Variants in KDM4A observed in about 807,000 individuals in gnomAD.
KDM4A encodes lysine-specific demethylase 4A.
Under a neutral mutation model 127.1 loss-of-function variants are expected in KDM4A, and 23 were observed. The ratio of observed to expected loss-of-function variants is 0.18; its 90% confidence interval spans 0.13 to 0.26. The LOEUF (loss-of-function observed/expected upper bound fraction) is 0.26, where lower values mean the gene tolerates loss of function less well. Among genes scored for constraint, KDM4A ranks in the 10% least tolerant of loss-of-function variants. The pLI is 1.00. For synonymous variants in KDM4A, 443 were observed against 466.5 expected (o/e 0.95, Z 0.65); for missense variants, 890 against 1,329.1 (o/e 0.67, Z 5.14).
rs1570872247 is a variant in KDM4A, at chr1:43,694,730, C to T, written c.2506C>T (p.Arg836Trp). 5 of 1,611,694 alleles carry T rather than the reference C, an allele frequency of 3.1e-6. No individual in the cohort carries two copies. Among genetic ancestry groups the T allele is most frequent in the Non-Finnish European group, 4.2e-6 (5 of 1,178,026 alleles). Residue 836 changes from arginine (R) to tryptophan (W), a missense_variant, in exon 18 of 22, where the codon CGG (arginine) becomes TGG (tryptophan). Physicochemically the swap from Arg to Trp is moderately radical, Grantham distance 101 (BLOSUM62 -3). Around this residue, in one of 7 missense-constraint regions of KDM4A, gnomAD observed 246 missense variants for 418.4 expected, o/e 0.59. Coordinates refer to ENST00000372396, the MANE Select transcript of KDM4A (RefSeq NM_014663.3). The surrounding 1 kb of genome is among the most constrained non-coding windows in gnomAD (Gnocchi z 5.2). ...FKLKCIFCKK[R>W]RKRTAGCCVQ... ...ACAGAAATGTATCTTCTGTAAGAAG[C>T]GGAGGAAAAGAACTGCTGGCTGCTG...
Position 43,676,030 on chromosome 1 carries a change from G to A in KDM4A, c.1734+4155G>A, listed in dbSNP as rs796480040. Among the ~76,000 whole-genome samples, 4 of 148,534 alleles carry A rather than the reference G, an allele frequency of 2.7e-5. No individual in the cohort carries two copies. In the South Asian group the frequency reaches 8.5e-4, roughly 32 times the overall value. On this transcript the variant is annotated intron_variant, in intron 11 of 21. Transcript: ENST00000372396. ...TGGGGGGCGGAGGTTGCAGTGAGCT[G>A]AGATCACACCACTGCACTCCAGTCT...
intron 19 of KDM4A, chr1:43,703,252 C>G (rs895761479): frequency 6.1e-6 from 1 of 164,642 alleles, no homozygotes; most frequent in South Asian, 1.5e-4. Context: ...AAAAAAAACA[C>G]ATGTCTTATA....
chr1:43,691,398 G>C, intron 14 of KDM4A, 98 bp from the exon 15 acceptor site: 1 of 1,004,478 alleles, frequency 1.0e-6, no homozygotes, highest in Admixed American at 1.7e-5. Flanking sequence ...GTGAGATTTG[G>C]TTGTAGCTTT....
Position 43,683,667 on chromosome 1 carries a change from T to C in KDM4A, c.1735-17T>C. ...AAGTGGAGACAAGACCAATTTAATT[T>C]CTTGTGGTTTGCCCAGGTTGCAGAT... On this transcript the variant is annotated splice_polypyrimidine_tract_variant and intron_variant, in intron 11 of 21. Coordinates refer to ENST00000372396, the MANE Select transcript of KDM4A (RefSeq NM_014663.3). The C allele has an allele frequency of 6.2e-7, 1 of 1,610,004 alleles. No homozygotes were observed. The highest frequency in any genetic ancestry group is 8.5e-7 in the Non-Finnish European group (1 of 1,177,664).
At chr1:43,668,793 A>G (rs1218035199) in intron 9 of KDM4A, among the ~76,000 whole-genome samples, 3 of 152,206 alleles carry the variant, frequency 2.0e-5, no homozygotes, top group Non-Finnish European at 4.4e-5. Flanking sequence ...TGGGAAAGAA[A>G]GGAGGAACCG....
At chr1:43,674,801 G>A (rs748298659) in intron 11 of KDM4A, among the ~76,000 whole-genome samples, 4 of 152,078 alleles carry the variant, frequency 2.6e-5, no homozygotes, top group Non-Finnish European at 5.9e-5. Flanking sequence ...GAGCCATCGC[G>A]CCTGGCCTAC....
chr1:43,691,626 G>A (rs952564569), intron 15 of KDM4A, 54 bp downstream of exon 15: 2 of 1,471,466 alleles, frequency 1.4e-6, no homozygotes, highest in Non-Finnish European at 1.9e-6. Flanking sequence ...TGCATATTCA[G>A]GGCCAGACGA....
At chr1:43,651,124 G>A (rs1253182818) in intron 1 of KDM4A, among the ~76,000 whole-genome samples, 1 of 152,246 alleles carries the variant, frequency 6.6e-6, no homozygotes, top group Non-Finnish European at 1.5e-5. Context: ...TTGAAGGCCC[G>A]GGGAAGGGCC....
rs1341336810 is a variant in KDM4A, at chr1:43,667,042, C to A, written c.866C>A (p.Thr289Asn). 1 of 1,614,158 alleles carries A rather than the reference C, an allele frequency of 6.2e-7. No homozygotes were observed. The highest frequency in any genetic ancestry group is 8.5e-7 in the Non-Finnish European group (1 of 1,180,044). ...CATGGTTTTAACTGTGCGGAGTCTA[C>A]CAATTTTGCTACCCGTCGGTGGATT... ...FNHGFNCAES[T>N]NFATRRWIEY... The change falls in exon 8 of 22, where the codon ACC becomes AAC. Residue 289 changes from threonine to asparagine, a missense_variant. This residue lies in a region of KDM4A where 141 missense variants were observed against 273.5 expected (regional missense o/e 0.52). Coordinates refer to ENST00000372396, the MANE Select transcript of KDM4A (RefSeq NM_014663.3).
intron 16 of KDM4A, among the ~76,000 whole-genome samples, chr1:43,692,697 T>C (rs1239633821): frequency 6.6e-6 from 1 of 152,294 alleles, no homozygotes; most frequent in African/African-American, 2.4e-5. Context: ...CTTCTCCACA[T>C]GGCAAACTCC....
In KDM4A at chr1:43,694,668, C is replaced by T; in HGVS notation, c.2485-41C>T. 6.4e-7 allele frequency: 1 copy of T among 1,557,382 alleles called. No individual in the cohort carries two copies. Among genetic ancestry groups the T allele is most frequent in the Non-Finnish European group, 8.8e-7 (1 of 1,135,960 alleles). Reference sequence around the variant, plus strand: ...GGGAACAACAGAGGAAGCTGCAGTGCCAGTTCCTGCAATCACTGGTTTTCT... The same window carrying T: ...GGGAACAACAGAGGAAGCTGCAGTGTCAGTTCCTGCAATCACTGGTTTTCT... On this transcript the variant is annotated intron_variant, in intron 17 of 21. Transcript: ENST00000372396. This position sits in a 1 kb window ranked among gnomAD's most constrained non-coding sequence, Gnocchi z 5.2.
intron 11 of KDM4A, among the ~76,000 whole-genome samples, chr1:43,678,754 AG>A (rs1570847777): frequency 6.6e-6 from 1 of 151,998 alleles, no homozygotes; most frequent in East Asian, 1.9e-4. Context: ...TGCCCAGCTA[AG>A]TTTTTTATTT....
chr1:43,681,601 A>C (rs966714913), intron 11 of KDM4A, among the ~76,000 whole-genome samples: 20 of 152,206 alleles, frequency 1.3e-4, no homozygotes, highest in African/African-American at 4.8e-4. Context: ...TTGGTGGTCC[A>C]GGCTAGAAAT....
chr1:43,671,388 G>C, intron 10 of KDM4A, 117 bp from the exon 11 acceptor site: 1 of 1,138,896 alleles, frequency 8.8e-7, no homozygotes, highest in Non-Finnish European at 1.2e-6. Context: ...ACAGAGCCAG[G>C]ATTGGAAGCC....
chr1:43,676,203 T>C (rs1037773865), intron 11 of KDM4A, among the ~76,000 whole-genome samples: 1 of 151,886 alleles, frequency 6.6e-6, no homozygotes, highest in Non-Finnish European at 1.5e-5. Context: ...GGTGCGAGAA[T>C]TGCTTGAGCC....
In KDM4A at chr1:43,705,427, C is replaced by A. The variant is rs2154049855; in HGVS notation, c.*1057C>A. The A allele has an allele frequency of 6.5e-6, 1 of 152,738 alleles. No individual in the cohort carries two copies. Among genetic ancestry groups the A allele is most frequent in the East Asian group, 1.9e-4 (1 of 5,190 alleles). The allele number at this position is 152,738 out of a possible 1,614,324, so 9.5% of individuals were successfully genotyped here. On this transcript the variant is annotated 3_prime_UTR_variant, in exon 22 of 22. Transcript: ENST00000372396. ...AAGAATCAGATTTATAATACTTCCC[C>A]TTTTTTGTTACGTATGAACACTATA...
Position 43,663,106 on chromosome 1 carries a change from C to T in KDM4A, c.623+19C>T, listed in dbSNP as rs373836834. 68 of 1,600,936 alleles carry T rather than the reference C, an allele frequency of 4.2e-5. 1 individual carries two copies. Among genetic ancestry groups the T allele is most frequent in the South Asian group, 2.6e-4 (23 of 89,022 alleles). On this transcript the variant is annotated intron_variant, in intron 5 of 21. Coordinates refer to ENST00000372396, the MANE Select transcript of KDM4A (RefSeq NM_014663.3). ...AGTCCTGGTACAGTCTGCCTGCAGT[C>T]GGCACCGGGCTTCTATGCTAGAGCA...
chr1:43,701,277 T>C (rs535611164), intron 19 of KDM4A, among the ~76,000 whole-genome samples: 2 of 152,282 alleles, frequency 1.3e-5, no homozygotes, highest in South Asian at 4.1e-4. Context: ...ACTTGGAATT[T>C]TGGGAAGTTT....
At chr1:43,670,192 T>C (rs1381811663) in intron 10 of KDM4A, among the ~76,000 whole-genome samples, 5 of 152,160 alleles carry the variant, frequency 3.3e-5, no homozygotes, top group African/African-American at 7.2e-5. Flanking sequence ...TGGAAGGTCA[T>C]TGAGGCTAGA....
Sources: gnomAD v4.1 joint callset for allele counts (sites outside exome capture counted in the v4.1 genomes callset) on GRCh38, gnomAD v4.1.1 for gene constraint, gnomAD v4.1.1 regional missense constraint, Gnocchi (gnomAD v3.1) non-coding constraint, MANE v1.5 for transcripts, NCBI Gene and HGNC (gene_info 2026-07-23, HGNC 2026-07-21) for gene names.